The following IL1RAPL1 variants were observed in gnomAD, a reference collection of about 807,000 sequenced individuals.
The protein encoded by IL1RAPL1 is interleukin 1 receptor accessory protein like 1, also known as interleukin-1 receptor accessory protein-like 1.
IL1RAPL1 carries 3 observed loss-of-function variants against 48.4 expected under a neutral mutation model. That is an observed-to-expected ratio of 0.06 (90% confidence interval 0.03 to 0.16). The LOEUF is 0.16. IL1RAPL1 is among the 10% of genes least tolerant of loss of function. The pLI is 1.00. For synonymous variants in IL1RAPL1, 185 were observed against 187.7 expected (o/e 0.99, Z 0.12); for missense variants, 349 against 530.6 (o/e 0.66, Z 3.36).
intron 3 of IL1RAPL1, among the ~76,000 whole-genome samples, chrX:29,377,887 A>C (rs1385017137): frequency 9.0e-6 from 1 of 110,688 alleles, no homozygotes; most frequent in East Asian, 2.8e-4. Context: ...GTATTTCCTG[A>C]ATTTGTACGT....
chrX:29,639,217 T>A (rs1602340600), intron 5 of IL1RAPL1, among the ~76,000 whole-genome samples: 1 of 111,008 alleles, frequency 9.0e-6, no homozygotes, highest in African/African-American at 3.3e-5. Context: ...TTTAAAAAAA[T>A]TTTTAGATTT....
intron 2 of IL1RAPL1, among the ~76,000 whole-genome samples, chrX:29,045,898 ACCTCCT>A (rs200493716): frequency 6.0e-5 from 4 of 67,174 alleles, no homozygotes; most frequent in Non-Finnish European, 8.5e-5. Context: ...CTCCTCCTCC[ACCTCCT>A]CCTCCTCCTC....
At chrX:29,050,463 C>T (rs1018857513) in intron 2 of IL1RAPL1, among the ~76,000 whole-genome samples, 8 of 111,728 alleles carry the variant, frequency 7.2e-5, no homozygotes, top group African/African-American at 2.6e-4. Flanking sequence ...CTCATAATCA[C>T]TATGTTATTA....
At chrX:28,606,449 A>G (rs1023168959) in intron 1 of IL1RAPL1, among the ~76,000 whole-genome samples, 2 of 112,065 alleles carry the variant, frequency 1.8e-5, no homozygotes, top group Non-Finnish European at 3.8e-5. Flanking sequence ...CCACAGGCAT[A>G]TAATATCTTC....
At chrX:29,764,178 T>C (rs1928822608) in intron 6 of IL1RAPL1, among the ~76,000 whole-genome samples, 1 of 111,593 alleles carries the variant, frequency 9.0e-6, no homozygotes. Context: ...TGGTTTTCAT[T>C]GATAGTCATA....
chrX:29,832,058 A>C (rs1930892078), intron 6 of IL1RAPL1, among the ~76,000 whole-genome samples: 1 of 111,543 alleles, frequency 9.0e-6, no homozygotes, highest in Admixed American at 9.6e-5. Flanking sequence ...ATCACAACTA[A>C]GTTTGTATGT....
chrX:29,688,754 C>CTCTCTG (rs58405949), intron 6 of IL1RAPL1, among the ~76,000 whole-genome samples: 3 of 103,902 alleles, frequency 2.9e-5, no homozygotes, highest in African/African-American at 1.1e-4. Flanking sequence ...CTCTCTCTCT[C>CTCTCTG]TGTGTGTGTC....
intron 6 of IL1RAPL1, among the ~76,000 whole-genome samples, chrX:29,909,142 A>G (rs1183892795): frequency 8.9e-6 from 1 of 111,741 alleles, no homozygotes; most frequent in Non-Finnish European, 1.9e-5. Context: ...TGGGAGGCCA[A>G]GGTGGGAGGA....
chrX:28,768,577 C>T (rs754752090), intron 1 of IL1RAPL1, among the ~76,000 whole-genome samples: 3 of 107,273 alleles, frequency 2.8e-5, no homozygotes, highest in Non-Finnish European at 5.8e-5. Flanking sequence ...GATTAGAAAT[C>T]GCATGACTAC....
At chrX:28,788,489 C>T (rs1025516692) in intron 1 of IL1RAPL1, among the ~76,000 whole-genome samples, 1 of 110,822 alleles carries the variant, frequency 9.0e-6, no homozygotes, top group Non-Finnish European at 1.9e-5. Flanking sequence ...TTTCTTCTTT[C>T]TTCTTCTTCC....
chrX:28,816,057 A>G (rs1002680812), intron 2 of IL1RAPL1, among the ~76,000 whole-genome samples: 5 of 103,828 alleles, frequency 4.8e-5, no homozygotes, highest in East Asian at 3.1e-4. Context: ...TGATAGTTCT[A>G]TATTTAGTTT....
chrX:28,625,207 TCTC>T (rs1934326709), intron 1 of IL1RAPL1, among the ~76,000 whole-genome samples: 2 of 111,930 alleles, frequency 1.8e-5, no homozygotes, highest in Admixed American at 9.5e-5. Context: ...TGCTCACCCA[TCTC>T]CTCTGTGTTT....
At chrX:29,619,494 A>G (rs1297812369) in intron 5 of IL1RAPL1, among the ~76,000 whole-genome samples, 1 of 111,975 alleles carries the variant, frequency 8.9e-6, no homozygotes, top group Non-Finnish European at 1.9e-5. Context: ...AAACAAATAA[A>G]CTTGGAAGAT....
intron 5 of IL1RAPL1, among the ~76,000 whole-genome samples, chrX:29,611,482 T>C (rs776809620): frequency 8.9e-6 from 1 of 112,246 alleles, no homozygotes; most frequent in South Asian, 3.7e-4. Context: ...ATATATTTGA[T>C]TGATGTCTCA....
At position 29,911,193 on chromosome X, in the gene IL1RAPL1, C is replaced by T. The variant is rs751784601; in HGVS notation, c.779-6271C>T. On this transcript the variant is annotated intron_variant, in intron 6 of 10. Transcript: ENST00000378993. ...GATATTACTGATACATGCTATATAA[C>T]ATGAATAAACCTTGAAAACATTAAA... is the stretch of plus-strand genomic sequence containing the variant. 2.0e-4 allele frequency among the ~76,000 whole-genome samples: 22 copies of T among 111,676 alleles called. No individual in the cohort carries two copies. In the South Asian group the frequency reaches 8.3e-3, roughly 42 times the overall value.
At chrX:29,545,013 C>T (rs1198641280) in intron 5 of IL1RAPL1, among the ~76,000 whole-genome samples, 2 of 110,337 alleles carry the variant, frequency 1.8e-5, no homozygotes, top group Admixed American at 9.7e-5. Flanking sequence ...TATAAAGACA[C>T]AACAGAAAGG....
At chrX:29,273,094 A>AG (rs1438685418) in intron 2 of IL1RAPL1, among the ~76,000 whole-genome samples, 1 of 111,639 alleles carries the variant, frequency 9.0e-6, no homozygotes, top group Non-Finnish European at 1.9e-5. Flanking sequence ...GAATCTCCAT[A>AG]ATTTTCATTC....
chrX:29,392,280 G>A (rs1288398811), intron 3 of IL1RAPL1, among the ~76,000 whole-genome samples: 1 of 112,142 alleles, frequency 8.9e-6, no homozygotes, highest in Non-Finnish European at 1.9e-5. Flanking sequence ...AGTCCTGTAG[G>A]AGCATTCTCT....
intron 6 of IL1RAPL1, among the ~76,000 whole-genome samples, chrX:29,695,128 A>T (rs1926875907): frequency 8.9e-6 from 1 of 112,295 alleles, no homozygotes; most frequent in Admixed American, 9.4e-5. Flanking sequence ...ACAGTATCTA[A>T]CATTTACTGA....
Sources: gnomAD v4.1 joint callset for allele counts (sites outside exome capture counted in the v4.1 genomes callset) on GRCh38, gnomAD v4.1.1 for gene constraint, MANE v1.5 for transcripts, NCBI Gene and HGNC (gene_info 2026-07-23, HGNC 2026-07-21) for gene names.